PPP2R2B: variants seen among roughly 807,000 people sequenced by gnomAD.
PPP2R2B encodes the protein serine/threonine-protein phosphatase 2A 55 kDa regulatory subunit B beta isoform.
In PPP2R2B, 5 loss-of-function variants were observed where a neutral mutation model predicts 46.0. The ratio of observed to expected loss-of-function variants is 0.11; its 90% CI spans 0.06 to 0.23. The LOEUF (loss-of-function observed/expected upper bound fraction) is 0.23, where lower values mean the gene tolerates loss of function less well. Among genes scored for constraint, PPP2R2B ranks in the 10% least tolerant of loss-of-function variants. The pLI, the probability that PPP2R2B is intolerant of heterozygous loss-of-function variation, is 1.00. For missense variants in PPP2R2B, 367 were observed against 575.0 expected (o/e 0.64, Z 3.70); for synonymous variants, 215 against 206.7 (o/e 1.04, Z -0.34).
intron 2 of PPP2R2B, among the ~76,000 whole-genome samples, chr5:146,727,227 G>A (rs554316127): frequency 4.0e-5 from 6 of 149,134 alleles, no homozygotes; most frequent in Non-Finnish European, 7.4e-5. Context: ...CTACAGCTAT[G>A]TTAAACATTT....
chr5:146,686,510 G>T (rs2151145171), intron 5 of PPP2R2B, among the ~76,000 whole-genome samples: 1 of 152,248 alleles, frequency 6.6e-6, no homozygotes, highest in Admixed American at 6.5e-5. Context: ...TGATATTAAG[G>T]ATATAAAATC....
chr5:147,077,452 A>G (rs189384725), intron 2 of PPP2R2B, among the ~76,000 whole-genome samples: 76 of 152,090 alleles, frequency 5.0e-4, no homozygotes, highest in African/African-American at 1.7e-3. Context: ...GAAATAGAAA[A>G]AGCCATTAAT....
intron 2 of PPP2R2B, among the ~76,000 whole-genome samples, chr5:146,705,398 G>A (rs1482558199): frequency 6.6e-6 from 1 of 152,142 alleles, no homozygotes; most frequent in African/African-American, 2.4e-5. Context: ...AAGGTTTTGC[G>A]GGGTCACTTC....
intron 5 of PPP2R2B, among the ~76,000 whole-genome samples, chr5:146,665,113 T>C (rs1451916437): frequency 2.6e-5 from 4 of 152,196 alleles, no homozygotes; most frequent in African/African-American, 9.6e-5. Context: ...AACATTAGCT[T>C]CAACTTAAAG....
intron 1 of PPP2R2B, among the ~76,000 whole-genome samples, chr5:147,036,571 A>C (rs1756047483): frequency 6.6e-6 from 1 of 152,184 alleles, no homozygotes. Context: ...TCTGCTTCTA[A>C]GACTTTGAGG....
intron 1 of PPP2R2B, among the ~76,000 whole-genome samples, chr5:146,887,749 T>A (rs1297963598): frequency 6.6e-6 from 1 of 152,218 alleles, no homozygotes; most frequent in South Asian, 2.1e-4. Flanking sequence ...AATAGCCAGA[T>A]GTCACTGCCA....
At chr5:146,866,284 C>T (rs1321193762) in intron 2 of PPP2R2B, among the ~76,000 whole-genome samples, 1 of 152,142 alleles carries the variant, frequency 6.6e-6, no homozygotes, top group Non-Finnish European at 1.5e-5. Context: ...TGTCCAATAA[C>T]TTTGTACAGA....
intron 1 of PPP2R2B, among the ~76,000 whole-genome samples, chr5:146,923,823 A>G (rs1763690997): frequency 6.6e-6 from 1 of 152,172 alleles, no homozygotes; most frequent in Non-Finnish European, 1.5e-5. Flanking sequence ...ATCCACCCAA[A>G]GGCCCATCAG....
chr5:146,976,017 C>T (rs1582530782), intron 1 of PPP2R2B, among the ~76,000 whole-genome samples: 2 of 151,474 alleles, frequency 1.3e-5, no homozygotes, highest in African/African-American at 4.8e-5. Flanking sequence ...GTTTCCTGTG[C>T]CTGGTATCAT....
chr5:146,912,119 G>A (rs1307380169), intron 1 of PPP2R2B, among the ~76,000 whole-genome samples: 1 of 151,412 alleles, frequency 6.6e-6, no homozygotes, highest in Non-Finnish European at 1.5e-5. Context: ...TGTGCCTGTA[G>A]TCCCAGCTAC....
At chr5:146,765,089 A>G (rs1303740879) in intron 2 of PPP2R2B, among the ~76,000 whole-genome samples, 2 of 152,228 alleles carry the variant, frequency 1.3e-5, no homozygotes, top group Admixed American at 6.5e-5. Context: ...TGACAAATGT[A>G]TCTTCTTTTT....
chr5:147,069,527 CT>C (rs1446780731), intron 2 of PPP2R2B, among the ~76,000 whole-genome samples: 4 of 152,098 alleles, frequency 2.6e-5, no homozygotes, highest in Non-Finnish European at 5.9e-5. Flanking sequence ...AACATAAACT[CT>C]TCCCTTACTG....
At chr5:146,885,759 A>T (rs767396469) in intron 1 of PPP2R2B, among the ~76,000 whole-genome samples, 2 of 152,216 alleles carry the variant, frequency 1.3e-5, no homozygotes, top group Non-Finnish European at 2.9e-5. Flanking sequence ...ACAAAATGTT[A>T]TATGTCCATA....
rs181392853 is a variant in PPP2R2B, at chr5:146,940,631, C to A, written c.79+115034G>T. Among the ~76,000 whole-genome samples, 188 of 152,166 alleles carry A rather than the reference C, an allele frequency of 1.2e-3. 1 individual carries two copies. The highest frequency in any genetic ancestry group is 3.9e-3 in the African/African-American group (164 of 41,542). On this transcript the variant is annotated intron_variant, in intron 1 of 8. Transcript: ENST00000336640. ...CCACCTCTACCCTTTGATTTCCCAA[C>A]AAAATCCCTTTTCCTTTTCTTCGTA...
At chr5:147,073,555 T>A (rs747612367) in intron 2 of PPP2R2B, among the ~76,000 whole-genome samples, 8 of 152,188 alleles carry the variant, frequency 5.3e-5, no homozygotes, top group Non-Finnish European at 1.0e-4. Flanking sequence ...GGGAAGGTTT[T>A]CACTCCCTTC....
chr5:146,983,072 T>C (rs541670721), intron 1 of PPP2R2B, among the ~76,000 whole-genome samples: 72 of 152,146 alleles, frequency 4.7e-4, no homozygotes, highest in Non-Finnish European at 9.1e-4. Flanking sequence ...ATTTTATTTT[T>C]ATTTTTGTCC....
chr5:146,778,263 C>T (rs992615993), intron 2 of PPP2R2B, among the ~76,000 whole-genome samples: 2 of 152,134 alleles, frequency 1.3e-5, no homozygotes, highest in South Asian at 2.1e-4. Context: ...AAGCAGATCA[C>T]CTTAAAATGG....
intron 2 of PPP2R2B, among the ~76,000 whole-genome samples, chr5:146,788,192 G>C (rs160973): frequency 6.6e-6 from 1 of 152,032 alleles, no homozygotes; most frequent in Non-Finnish European, 1.5e-5. Flanking sequence ...GCTATATTTT[G>C]TCTTGGAGGA....
intron 5 of PPP2R2B, among the ~76,000 whole-genome samples, chr5:146,652,149 G>T (rs1776010982): frequency 6.6e-6 from 1 of 152,180 alleles, no homozygotes; most frequent in Non-Finnish European, 1.5e-5. Flanking sequence ...GGCAGCGAAT[G>T]GGAGACCAGG....
Sources: allele counts gnomAD v4.1 joint callset (sites outside exome capture counted in the v4.1 genomes callset), GRCh38; gene constraint gnomAD v4.1.1; transcripts MANE v1.5; gene names NCBI Gene and HGNC (gene_info 2026-07-23, HGNC 2026-07-21).